HHAT: variants seen among roughly 807,000 people sequenced by gnomAD.
HHAT encodes hedgehog acyltransferase, also known as protein-cysteine N-palmitoyltransferase HHAT.
In HHAT, 47 loss-of-function variants were observed where a neutral mutation model predicts 70.8. The ratio of observed to expected loss-of-function variants is 0.66; its 90% confidence interval spans 0.53 to 0.85. The LOEUF is 0.85. Among genes scored for constraint, HHAT ranks in the 40% least tolerant of loss-of-function variants. The pLI is 0.00. For synonymous variants in HHAT, 228 were observed against 247.6 expected, an observed-to-expected ratio of 0.92 and a Z score of 0.74; for missense variants, 609 against 604.8, an observed-to-expected ratio of 1.01 and a Z score of -0.07.
chr1:210,487,110 C>T (rs569838549), intron 8 of HHAT, among the ~76,000 whole-genome samples: 3 of 152,236 alleles, frequency 2.0e-5, no homozygotes, highest in East Asian at 1.9e-4. Flanking sequence ...TAGGAGAGGA[C>T]GGGCAGGAAT....
chr1:210,421,437 C>G (rs2092900758), intron 7 of HHAT, among the ~76,000 whole-genome samples: 1 of 152,020 alleles, frequency 6.6e-6, no homozygotes, highest in Non-Finnish European at 1.5e-5. Flanking sequence ...GCTTAAAGGA[C>G]TTTGGTATAT....
chr1:210,405,802 T>C (rs1398210440), intron 6 of HHAT, among the ~76,000 whole-genome samples: 3 of 152,238 alleles, frequency 2.0e-5, no homozygotes, highest in Non-Finnish European at 4.4e-5. Context: ...TAGACAGATA[T>C]GTTTAGTCTA....
At chr1:210,406,913 CTCT>C (rs940612936) in intron 6 of HHAT, among the ~76,000 whole-genome samples, 5 of 152,190 alleles carry the variant, frequency 3.3e-5, no homozygotes, top group African/African-American at 4.8e-5. Context: ...CCCTCTCTCT[CTCT>C]TCTTTTTTAA....
intron 10 of HHAT, among the ~76,000 whole-genome samples, chr1:210,601,482 C>T (rs566120922): frequency 9.2e-5 from 14 of 152,252 alleles, no homozygotes; most frequent in Admixed American, 7.8e-4. Context: ...CAAGCACTTA[C>T]TGGACATAAG....
Position 210,618,447 on chromosome 1 carries a change from A to C in HHAT, c.1246-5079A>C, listed in dbSNP as rs78788197. On this transcript the variant is annotated intron_variant, in intron 10 of 11. Coordinates refer to ENST00000261458, the MANE Select transcript of HHAT (RefSeq NM_018194.6). ...TGGAAAACTTCAGTGATTATATGGA[A>C]GAACTGTGTCCAGCTGCTCAAACCC... Among the ~76,000 whole-genome samples the C allele has an allele frequency of 2.6e-5, 4 of 152,278 alleles. No individual in the cohort carries two copies. In the East Asian group the frequency reaches 7.7e-4, roughly 29 times the overall value.
At chr1:210,546,814 T>C (rs913352257) in intron 9 of HHAT, among the ~76,000 whole-genome samples, 5 of 152,108 alleles carry the variant, frequency 3.3e-5, no homozygotes, top group Non-Finnish European at 7.3e-5. Flanking sequence ...GAGGTTGGGA[T>C]GATTTGAGAG....
chr1:210,672,448 C>G (rs745794751), intron 11 of HHAT, among the ~76,000 whole-genome samples: 1 of 152,236 alleles, frequency 6.6e-6, no homozygotes, highest in Non-Finnish European at 1.5e-5. Flanking sequence ...TGGGCCCTGT[C>G]CCTTCCCATC....
intron 11 of HHAT, among the ~76,000 whole-genome samples, chr1:210,644,602 C>CAAAAAAAAAAAAAAAAAAAAAAAAAA (rs57190952): frequency 1.6e-5 from 1 of 64,026 alleles, no homozygotes. Flanking sequence ...GACTCCATCT[C>CAAAAAAAAAAAAAAAAAAAAAAAAAA]AAAAAAAAAA....
intron 11 of HHAT, among the ~76,000 whole-genome samples, chr1:210,645,569 T>G (rs182300041): frequency 7.9e-5 from 12 of 152,338 alleles, no homozygotes; most frequent in Admixed American, 7.2e-4. Context: ...TTTGACAAGT[T>G]GATATACCTG....
intron 10 of HHAT, among the ~76,000 whole-genome samples, chr1:210,610,845 G>T (rs1366713240): frequency 6.6e-6 from 1 of 151,820 alleles, no homozygotes; most frequent in Admixed American, 6.6e-5. Flanking sequence ...CTCATTTCTG[G>T]GTTCTCTATT....
chr1:210,335,074 A>C (rs2085356345), intron 1 of HHAT, among the ~76,000 whole-genome samples: 1 of 152,188 alleles, frequency 6.6e-6, no homozygotes, highest in Non-Finnish European at 1.5e-5. Context: ...TTGTTACTAA[A>C]AATTGATAAG....
intron 2 of HHAT, among the ~76,000 whole-genome samples, chr1:210,353,154 T>C (rs1372020234): frequency 6.6e-6 from 1 of 152,100 alleles, no homozygotes; most frequent in African/African-American, 2.4e-5. Context: ...CAAGCTGGTC[T>C]CGAATTCCTG....
chr1:210,467,159 C>T (rs542511014), intron 8 of HHAT, among the ~76,000 whole-genome samples: 4 of 152,100 alleles, frequency 2.6e-5, no homozygotes, highest in African/African-American at 9.7e-5. Context: ...TTCCAGGCTA[C>T]TAATTATACT....
At chr1:210,525,996 G>T (rs1023897705) in intron 9 of HHAT, among the ~76,000 whole-genome samples, 1 of 152,178 alleles carries the variant, frequency 6.6e-6, no homozygotes, top group African/African-American at 2.4e-5. Context: ...GCTGCATCTG[G>T]TAGAAGCCAT....
intron 9 of HHAT, among the ~76,000 whole-genome samples, chr1:210,522,358 G>C (rs560831252): frequency 1.2e-4 from 18 of 152,306 alleles, no homozygotes; most frequent in Middle Eastern, 3.4e-3. Context: ...CCAGAAAGAA[G>C]CTAAGGATCT....
At chr1:210,656,883 C>T (rs1676534380) in intron 11 of HHAT, among the ~76,000 whole-genome samples, 1 of 152,176 alleles carries the variant, frequency 6.6e-6, no homozygotes, top group Non-Finnish European at 1.5e-5. Context: ...AACTGCTTCC[C>T]CTCCAGGGGC....
At position 210,616,763 on chromosome 1, in the gene HHAT, C is replaced by T. The variant is rs543572912; in HGVS notation, c.1246-6763C>T. Among the ~76,000 whole-genome samples, 8 of 152,288 alleles carry T rather than the reference C, an allele frequency of 5.3e-5. 1 individual carries two copies. The South Asian group carries it at 1.2e-3, about 24-fold the overall frequency. On this transcript the variant is annotated intron_variant, in intron 10 of 11. Transcript: ENST00000261458. ...ATGTGAATTCTTGCACTGCACTTAT[C>T]GGTATATAATTCAGGTAAGTTACTT...
At chr1:210,572,309 A>G (rs1573421085) in intron 9 of HHAT, among the ~76,000 whole-genome samples, 3 of 152,336 alleles carry the variant, frequency 2.0e-5, no homozygotes, top group African/African-American at 7.2e-5. Context: ...ACCAGCAGTC[A>G]TTCCACTTTG....
intron 7 of HHAT, among the ~76,000 whole-genome samples, chr1:210,425,789 T>A (rs559062025): frequency 6.6e-6 from 1 of 152,316 alleles, no homozygotes; most frequent in Admixed American, 6.5e-5. Flanking sequence ...CCTCCAGCTT[T>A]GTTCTTTTTG....
Sources: gnomAD v4.1 joint callset for allele counts (sites outside exome capture counted in the v4.1 genomes callset) on GRCh38, gnomAD v4.1.1 for gene constraint, MANE v1.5 for transcripts, NCBI Gene and HGNC (gene_info 2026-07-23, HGNC 2026-07-21) for gene names.